ZNF532: variants seen among roughly 807,000 people sequenced by gnomAD.
The protein encoded by ZNF532 is zinc finger protein 532.
In ZNF532, 22 loss-of-function variants were observed where a neutral mutation model predicts 89.3. The observed-to-expected ratio is 0.25, with a 90% CI of 0.18 to 0.35. The LOEUF (loss-of-function observed/expected upper bound fraction) is 0.35, where lower values mean the gene tolerates loss of function less well. Ranked by LOEUF, ZNF532 falls within the 10% of genes least tolerant of loss-of-function variation. ZNF532 has a pLI of 1.00. For missense variants in ZNF532, 1,132 were observed against 1,643.4 expected (o/e 0.69, Z 5.38); for synonymous variants, 606 against 649.6 (o/e 0.93, Z 1.02).
intron 2 of ZNF532, among the ~76,000 whole-genome samples, chr18:58,879,472 G>A (rs770646643): frequency 1.3e-5 from 2 of 152,072 alleles, no homozygotes; most frequent in Non-Finnish European, 2.9e-5. Flanking sequence ...GTCTCGGCTC[G>A]CTGCAGCCTC....
At chr18:58,863,107 G>A (rs552680195), upstream of ZNF532, 6 of 152,410 alleles carry the variant, frequency 3.9e-5, no homozygotes, top group African/African-American at 1.4e-4. Context: ...TCAAGATCCT[G>A]GGTAGAGGCT....
intron 2 of ZNF532, among the ~76,000 whole-genome samples, chr18:58,868,105 A>G (rs917038118): frequency 6.6e-6 from 1 of 152,164 alleles, no homozygotes; most frequent in Non-Finnish European, 1.5e-5. Context: ...GCTTTGAACA[A>G]CCTTTACCGT....
chr18:58,907,559 G>A (rs561809324), intron 2 of ZNF532, among the ~76,000 whole-genome samples: 4 of 152,048 alleles, frequency 2.6e-5, no homozygotes, highest in South Asian at 2.1e-4. Context: ...GCAGTGGTGC[G>A]ATCCCGGCGG....
At chr18:58,921,775 G>A (rs2061104780) in intron 3 of ZNF532, among the ~76,000 whole-genome samples, 4 of 152,202 alleles carry the variant, frequency 2.6e-5, no homozygotes, top group Non-Finnish European at 4.4e-5. Flanking sequence ...AAATAAATTC[G>A]AGTTAGACCA....
intron 3 of ZNF532, among the ~76,000 whole-genome samples, chr18:58,924,050 T>A (rs999895792): frequency 2.0e-4 from 31 of 152,202 alleles, no homozygotes; most frequent in Non-Finnish European, 4.0e-4. Flanking sequence ...AGAGACGGGG[T>A]TTCACCATGT....
At chr18:58,966,234 C>A (rs931195821) in intron 7 of ZNF532, among the ~76,000 whole-genome samples, 1 of 152,012 alleles carries the variant, frequency 6.6e-6, no homozygotes, top group Non-Finnish European at 1.5e-5. Flanking sequence ...TAAAAGCTGC[C>A]TAACAGGAAG....
intron 2 of ZNF532, among the ~76,000 whole-genome samples, chr18:58,888,686 CA>C (rs1159663312): frequency 3.3e-5 from 1 of 30,638 alleles, no homozygotes; most frequent in South Asian, 9.5e-4. Flanking sequence ...CCAAGGAAGG[CA>C]AAAAAAAAAT....
chr18:58,895,964 A>T (rs2059221771), intron 2 of ZNF532, among the ~76,000 whole-genome samples: 1 of 150,928 alleles, frequency 6.6e-6, no homozygotes. Flanking sequence ...CGGTCCTCCT[A>T]CCTTAGCCTC....
At chr18:58,944,343 G>A (rs188476510) in intron 5 of ZNF532, among the ~76,000 whole-genome samples, 5 of 151,746 alleles carry the variant, frequency 3.3e-5, no homozygotes, top group Non-Finnish European at 7.4e-5. Context: ...TTCCTTTCCC[G>A]CTCCCCCTCT....
chr18:58,926,195 T>C (rs1482833030), intron 3 of ZNF532: 1 of 152,218 alleles, frequency 6.6e-6, no homozygotes, highest in African/African-American at 2.4e-5. Context: ...CTTTACTATA[T>C]TGAGCGTTTC....
intron 2 of ZNF532, among the ~76,000 whole-genome samples, chr18:58,887,767 A>C (rs1234651951): frequency 2.0e-5 from 3 of 152,100 alleles, no homozygotes; most frequent in African/African-American, 7.2e-5. Flanking sequence ...TCCCAATCCT[A>C]GGGCCTATCT....
chr18:58,967,186 T>C (rs962005623), intron 7 of ZNF532, among the ~76,000 whole-genome samples: 5 of 152,172 alleles, frequency 3.3e-5, no homozygotes, highest in African/African-American at 1.2e-4. Context: ...GTGGTCCCAG[T>C]GGAGGGTCCC....
intron 2 of ZNF532, among the ~76,000 whole-genome samples, chr18:58,881,539 ATC>A (rs2057927425): frequency 6.6e-6 from 1 of 152,230 alleles, no homozygotes; most frequent in Admixed American, 6.5e-5. Flanking sequence ...TTTTGAGGAC[ATC>A]TGTCTTGTTA....
rs73959536 is a variant in ZNF532 at position 58,930,162 on chromosome 18, G to A, written c.2347-4271G>A. Among the ~76,000 whole-genome samples, 5 of 152,204 alleles carry A rather than the reference G, an allele frequency of 3.3e-5. No individual in the cohort carries two copies. The South Asian group carries it at 6.2e-4, about 19-fold the overall frequency. On this transcript the variant is annotated intron_variant, in intron 3 of 9. Transcript: ENST00000591808. ...CTGCCTAAAATATGAGCAAAAACAC[G>A]TAGAATTATTTTTCTTATTACTCAG...
At chr18:58,924,339 C>G (rs1468874028) in intron 3 of ZNF532, among the ~76,000 whole-genome samples, 2 of 152,200 alleles carry the variant, frequency 1.3e-5, no homozygotes, top group African/African-American at 4.8e-5. Context: ...GCCTGTGGCT[C>G]TGGGGCAGGA....
intron 7 of ZNF532, among the ~76,000 whole-genome samples, chr18:58,964,718 C>T (rs893420573): frequency 9.9e-5 from 15 of 151,994 alleles, no homozygotes; most frequent in African/African-American, 3.4e-4. Context: ...TCCTGAGTAG[C>T]AGGGACTACA....
At chr18:58,939,264 A>AAAAAC (rs2062763565) in intron 4 of ZNF532, among the ~76,000 whole-genome samples, 181 bp from the exon 5 acceptor site, 1 of 149,826 alleles carries the variant, frequency 6.7e-6, no homozygotes, top group African/African-American at 2.4e-5. Flanking sequence ...AAAAAAAAAA[A>AAAAAC]AAAAAAAAAA....
intron 3 of ZNF532, among the ~76,000 whole-genome samples, chr18:58,921,252 C>T (rs1387237203): frequency 2.0e-5 from 3 of 152,186 alleles, no homozygotes; most frequent in Admixed American, 6.5e-5. Context: ...TGAGATTTAG[C>T]GGATTATAGT....
At chr18:58,940,957 C>CACAT in intron 5 of ZNF532, among the ~76,000 whole-genome samples, 1 of 141,398 alleles carries the variant, frequency 7.1e-6, no homozygotes, top group East Asian at 2.0e-4. Context: ...CACACACACA[C>CACAT]ACTCTTTCTC....
Sources: gnomAD v4.1 joint callset for allele counts (sites outside exome capture counted in the v4.1 genomes callset) on GRCh38, gnomAD v4.1.1 for gene constraint, MANE v1.5 for transcripts, NCBI Gene and HGNC (gene_info 2026-07-23, HGNC 2026-07-21) for gene names.